TMEM132B: variants seen among roughly 807,000 people sequenced by gnomAD.
TMEM132B encodes transmembrane protein 132B.
A neutral mutation model predicts 90.8 loss-of-function variants in TMEM132B; 18 were observed. That is an observed-to-expected ratio of 0.20 (90% CI 0.14 to 0.29). The LOEUF is 0.29. Among genes scored for constraint, TMEM132B ranks in the 10% least tolerant of loss-of-function variants. The pLI, the probability that TMEM132B is intolerant of heterozygous loss-of-function variation, is 1.00. For missense variants in TMEM132B, 1,096 were observed against 1,326.8 expected (o/e 0.83, Z 2.70); for synonymous variants, 504 against 523.3 (o/e 0.96, Z 0.50).
intron 4 of TMEM132B, among the ~76,000 whole-genome samples, chr12:125,554,527 C>T (rs886109072): frequency 1.4e-5 from 2 of 144,842 alleles, no homozygotes; most frequent in African/African-American, 2.5e-5. Flanking sequence ...GCGGGCTTTT[C>T]TCTGCGTTGG....
intron 3 of TMEM132B, among the ~76,000 whole-genome samples, chr12:125,503,438 C>T (rs1882748688): frequency 6.6e-6 from 1 of 152,156 alleles, no homozygotes; most frequent in Non-Finnish European, 1.5e-5. Flanking sequence ...TCTTTTTTCT[C>T]AGAGGGCCTG....
At chr12:125,495,033 G>A (rs1294608922) in intron 3 of TMEM132B, among the ~76,000 whole-genome samples, 2 of 58,306 alleles carry the variant, frequency 3.4e-5, no homozygotes, top group Non-Finnish European at 6.2e-5. Flanking sequence ...AAATGGATGC[G>A]TCCCTCCTCC....
chr12:125,468,004 CT>C (rs1177504037), intron 3 of TMEM132B, among the ~76,000 whole-genome samples: 1 of 151,658 alleles, frequency 6.6e-6, no homozygotes, highest in East Asian at 2.1e-4. Context: ...TTTATCCATT[CT>C]TTTGTTGATG....
chr12:125,409,382 T>C (rs1369841247), intron 2 of TMEM132B, among the ~76,000 whole-genome samples: 1 of 152,160 alleles, frequency 6.6e-6, no homozygotes, highest in Non-Finnish European at 1.5e-5. Context: ...TCCTGGAGGC[T>C]ACTGGAACCC....
chr12:125,210,874 G>A (rs1033565048), intron 1 of TMEM132B, among the ~76,000 whole-genome samples: 12 of 152,108 alleles, frequency 7.9e-5, no homozygotes, highest in Admixed American at 2.0e-4. Context: ...GAGGCAGGAG[G>A]ACCACTTGAC....
chr12:125,489,381 T>C (rs531581037), intron 3 of TMEM132B, among the ~76,000 whole-genome samples: 2 of 152,080 alleles, frequency 1.3e-5, no homozygotes, highest in Admixed American at 6.5e-5. Flanking sequence ...TAAAAATTTT[T>C]ACTTATTTAT....
intron 5 of TMEM132B, among the ~76,000 whole-genome samples, chr12:125,640,708 G>A (rs1171388857): frequency 6.6e-6 from 1 of 151,932 alleles, no homozygotes; most frequent in Non-Finnish European, 1.5e-5. Flanking sequence ...CTGTGCAAGA[G>A]GCGGTCCCTT....
chr12:125,539,502 A>G (rs1883899871), intron 4 of TMEM132B, among the ~76,000 whole-genome samples: 1 of 152,152 alleles, frequency 6.6e-6, no homozygotes, highest in Admixed American at 6.5e-5. Flanking sequence ...GCACTCTCCA[A>G]AATCCTCTGG....
chr12:125,431,323 A>G (rs551750580), intron 3 of TMEM132B, among the ~76,000 whole-genome samples: 1 of 152,128 alleles, frequency 6.6e-6, no homozygotes, highest in African/African-American at 2.4e-5. Flanking sequence ...CTTCGTGTTA[A>G]TGATGACATG....
intron 4 of TMEM132B, among the ~76,000 whole-genome samples, chr12:125,568,544 C>G (rs1884716604): frequency 6.6e-6 from 1 of 152,198 alleles, no homozygotes; most frequent in Non-Finnish European, 1.5e-5. Context: ...TGAGTGCTAA[C>G]AGATCATCAC....
intron 1 of TMEM132B, among the ~76,000 whole-genome samples, chr12:125,286,514 A>G (rs1875360928): frequency 6.6e-6 from 1 of 151,950 alleles, no homozygotes; most frequent in Non-Finnish European, 1.5e-5. Context: ...AATAAATATT[A>G]GTATAATAAA....
At chr12:125,643,682 T>A (rs1427076684) in intron 5 of TMEM132B, among the ~76,000 whole-genome samples, 1 of 152,180 alleles carries the variant, frequency 6.6e-6, no homozygotes, top group African/African-American at 2.4e-5. Context: ...TTCAGTAACA[T>A]AAAAACCTTT....
At chr12:125,507,615 A>G (rs1340963960) in intron 3 of TMEM132B, among the ~76,000 whole-genome samples, 1 of 152,156 alleles carries the variant, frequency 6.6e-6, no homozygotes, top group Non-Finnish European at 1.5e-5. Context: ...GCCCTGAGGC[A>G]GCAGCATGGC....
At chr12:125,630,860 G>A (rs112254200) in intron 5 of TMEM132B, among the ~76,000 whole-genome samples, 83 of 152,028 alleles carry the variant, frequency 5.5e-4, no homozygotes, top group Middle Eastern at 3.4e-3. Context: ...CTCTTCCTGC[G>A]TTAGTTTGGT....
At chr12:125,562,870 T>C (rs1255893169) in intron 4 of TMEM132B, among the ~76,000 whole-genome samples, 4 of 152,168 alleles carry the variant, frequency 2.6e-5, no homozygotes, top group Non-Finnish European at 5.9e-5. Context: ...TGAGTTTTGT[T>C]ATAAATTACC....
intron 3 of TMEM132B, among the ~76,000 whole-genome samples, chr12:125,439,185 T>C (rs1047535176): frequency 4.6e-5 from 7 of 152,162 alleles, no homozygotes; most frequent in Non-Finnish European, 7.4e-5. Context: ...AAAATGGTTT[T>C]TTCTAGTTCC....
At chr12:125,215,972 A>G (rs1333328837) in intron 1 of TMEM132B, among the ~76,000 whole-genome samples, 2 of 152,234 alleles carry the variant, frequency 1.3e-5, no homozygotes, top group African/African-American at 4.8e-5. Context: ...GGACATGCAC[A>G]TCTTTGGGCA....
At chr12:125,399,485 G>A (rs78240137) in intron 2 of TMEM132B, among the ~76,000 whole-genome samples, 15,928 of 117,628 alleles carry the variant, frequency 0.14, 783 homozygotes, top group African/African-American at 0.19. Context: ...GTGTGTGTAT[G>A]TGTGTGTGTG....
Position 125,322,502 on chromosome 12 carries a change from C to T in TMEM132B, c.68-26950C>T, listed in dbSNP as rs575480610. On this transcript the variant is annotated intron_variant, in intron 1 of 8. Coordinates refer to ENST00000682704, the MANE Select transcript of TMEM132B (RefSeq NM_001366854.1). ...AGAGACAAATGCGGATTAATAGTTG[C>T]CAGAGCTGTGAGTGGGAAGAGGGAT... Among the ~76,000 whole-genome samples the T allele has an allele frequency of 4.6e-5, 7 of 152,246 alleles. No homozygotes were observed. The East Asian group carries it at 1.3e-3, about 29-fold the overall frequency.
Sources: allele counts gnomAD v4.1 joint callset (sites outside exome capture counted in the v4.1 genomes callset), GRCh38; gene constraint gnomAD v4.1.1; transcripts MANE v1.5; gene names NCBI Gene and HGNC (gene_info 2026-07-23, HGNC 2026-07-21).